The following PCGF3 variants were observed in gnomAD, a reference collection of about 807,000 sequenced individuals.
PCGF3 encodes the protein polycomb group RING finger protein 3.
In PCGF3, 7 loss-of-function variants were observed where a neutral mutation model predicts 33.1. The observed-to-expected ratio is 0.21, with a 90% CI of 0.12 to 0.40. The LOEUF is 0.40. PCGF3 is among the 10% of genes least tolerant of loss of function. PCGF3 has a pLI of 1.00. For missense variants in PCGF3, 211 were observed against 313.3 expected, an observed-to-expected ratio of 0.67 and a Z score of 2.46; for synonymous variants, 153 against 121.3, an observed-to-expected ratio of 1.26 and a Z score of -1.72.
chr4:737,081 G>A (rs1364984763), intron 5 of PCGF3, among the ~76,000 whole-genome samples: 2 of 19,270 alleles, frequency 1.0e-4, no homozygotes, highest in Admixed American at 5.3e-4. Flanking sequence ...CACGGGACGC[G>A]GGGAACCTGG....
chr4:767,336 A>G (rs1745428227), exon 11 of PCGF3: 1 of 150,346 alleles, frequency 6.7e-6, no homozygotes. Flanking sequence ...CCTTTAAAAC[A>G]GTAACTTGGA....
At chr4:739,202 GTTTATTTC>G (rs1471435881) in intron 6 of PCGF3, among the ~76,000 whole-genome samples, 1 of 152,112 alleles carries the variant, frequency 6.6e-6, no homozygotes, top group Admixed American at 6.6e-5. Flanking sequence ...TTTGGTTGTT[GTTTATTTC>G]TTTATTTATT....
intron 1 of PCGF3, among the ~76,000 whole-genome samples, chr4:726,995 G>T (rs1475231002): frequency 6.6e-6 from 1 of 152,170 alleles, no homozygotes. Context: ...ATTGAGTGGC[G>T]TGTGGGAACG....
chr4:768,106 A>G (rs542729033), exon 11 of PCGF3: 14 of 152,800 alleles, frequency 9.2e-5, no homozygotes, highest in South Asian at 2.1e-4. Flanking sequence ...TGACTTTGCA[A>G]TGGTGCTAAG....
At chr4:722,612 G>A (rs1482901713) in intron 1 of PCGF3, among the ~76,000 whole-genome samples, 1 of 148,800 alleles carries the variant, frequency 6.7e-6, no homozygotes, top group Non-Finnish European at 1.5e-5. Flanking sequence ...GTCCGCGCCG[G>A]GTCCACACTC....
chr4:717,779 G>A (rs972912377), intron 1 of PCGF3, among the ~76,000 whole-genome samples: 1 of 152,256 alleles, frequency 6.6e-6, no homozygotes, highest in Non-Finnish European at 1.5e-5. Context: ...GGCACAGGGC[G>A]CCCTGAGCGA....
intron 6 of PCGF3, among the ~76,000 whole-genome samples, chr4:739,255 C>T (rs1560207780): frequency 6.6e-6 from 1 of 152,100 alleles, no homozygotes; most frequent in Non-Finnish European, 1.5e-5. Context: ...GGCTGGAGTT[C>T]AGTGGTGCTA....
At chr4:735,303 T>C (rs1377240463) in intron 5 of PCGF3, among the ~76,000 whole-genome samples, 1 of 152,150 alleles carries the variant, frequency 6.6e-6, no homozygotes, top group Admixed American at 6.5e-5. Flanking sequence ...TCCCAGCACT[T>C]TGGGAGGCCG....
chr4:752,820 G>A (rs936165778), intron 8 of PCGF3, among the ~76,000 whole-genome samples: 11 of 152,232 alleles, frequency 7.2e-5, no homozygotes, highest in Non-Finnish European at 8.8e-5. Context: ...GATTCCCGCC[G>A]CCTTCAGGCC....
intron 3 of PCGF3, among the ~76,000 whole-genome samples, chr4:733,334 G>T (rs1743695608): frequency 6.6e-6 from 1 of 152,246 alleles, no homozygotes; most frequent in South Asian, 2.1e-4. Context: ...CGCTTTCACA[G>T]AAGACAGACA....
intron 6 of PCGF3, among the ~76,000 whole-genome samples, chr4:739,544 T>G (rs1743994109): frequency 6.6e-6 from 1 of 152,212 alleles, no homozygotes; most frequent in African/African-American, 2.4e-5. Flanking sequence ...CTCACGGGCC[T>G]CCTTCTGGTT....
At chr4:710,343 A>G (rs1742510974) in intron 1 of PCGF3, among the ~76,000 whole-genome samples, 1 of 152,250 alleles carries the variant, frequency 6.6e-6, no homozygotes, top group Non-Finnish European at 1.5e-5. Flanking sequence ...AGAGAGGGAC[A>G]GGAAGGACGT....
At chr4:733,187 G>A (rs1743687140) in intron 3 of PCGF3, among the ~76,000 whole-genome samples, 2 of 151,506 alleles carry the variant, frequency 1.3e-5, no homozygotes, top group African/African-American at 4.9e-5. Flanking sequence ...GGGGAGGAAG[G>A]GGTGTGAGCA....
In PCGF3 at chr4:721,765, G is replaced by A. The variant is rs370101474; in HGVS notation, c.-189-8865G>A. 2.9e-4 allele frequency among the ~76,000 whole-genome samples: 30 copies of A among 102,490 alleles called. No individual in the cohort carries two copies. The South Asian group carries it at 6.7e-3, about 23-fold the overall frequency. 67.2% of individuals were successfully genotyped at this position (102,490 alleles called of 152,430 possible). A position where few individuals can be genotyped will look rare whatever the true frequency, so the allele number is the denominator to read the frequency against. On this transcript the variant is annotated intron_variant, in intron 1 of 10. Coordinates refer to ENST00000362003, the Ensembl canonical transcript of PCGF3. The surrounding 1 kb of genome is among the most constrained non-coding windows in gnomAD (Gnocchi z 4.1). ...GGGCATGGGGAGGGGCCTGTGGGAG[G>A]TGGATGGGTTGGGTGGCTCTGTGTA...
intron 1 of PCGF3, among the ~76,000 whole-genome samples, chr4:713,695 G>T (rs963041090): frequency 5.3e-5 from 8 of 152,164 alleles, no homozygotes; most frequent in African/African-American, 9.7e-5. Flanking sequence ...AACAGTAACC[G>T]GAAGCTGATC....
At chr4:707,826 C>T (rs370336749) in intron 1 of PCGF3, among the ~76,000 whole-genome samples, 790 of 72,918 alleles carry the variant, frequency 0.011, 12 homozygotes, top group Non-Finnish European at 0.017. Flanking sequence ...CTGGGACAGC[C>T]CTGTTTTCCC....
chr4:757,982 C>G (rs1744846503), intron 8 of PCGF3, among the ~76,000 whole-genome samples: 1 of 152,010 alleles, frequency 6.6e-6, no homozygotes, highest in African/African-American at 2.4e-5. Context: ...TTCTGGCCAA[C>G]TTGGTGAAAC....
In PCGF3 at chr4:741,697, G is replaced by A. The variant is rs138657158; in HGVS notation, c.263-1777G>A. Among the ~76,000 whole-genome samples, 24 of 152,284 alleles carry A rather than the reference G, an allele frequency of 1.6e-4. 1 individual carries two copies. The highest frequency in any genetic ancestry group is 3.3e-4 in the Admixed American group (5 of 15,298). ...GCTGGGATGACAGGTGTGAGCCACCGCGCCCGGCCCCAATAAATGTTTCAG... is the reference window on the plus strand; with the variant it reads ...GCTGGGATGACAGGTGTGAGCCACCACGCCCGGCCCCAATAAATGTTTCAG... On this transcript the variant is annotated intron_variant, in intron 6 of 10. Transcript: ENST00000362003.
At chr4:750,885 C>T (rs893924988) in intron 8 of PCGF3, among the ~76,000 whole-genome samples, 6 of 152,032 alleles carry the variant, frequency 3.9e-5, no homozygotes, top group Non-Finnish European at 5.9e-5. Flanking sequence ...CTCTAACCCC[C>T]GATTCTCTTG....
Sources: gnomAD v4.1 joint callset for allele counts (sites outside exome capture counted in the v4.1 genomes callset) on GRCh38, gnomAD v4.1.1 for gene constraint, Gnocchi (gnomAD v3.1) non-coding constraint, MANE v1.5 for transcripts, NCBI Gene and HGNC (gene_info 2026-07-23, HGNC 2026-07-21) for gene names.